ZNF366: variants seen among roughly 807,000 people sequenced by gnomAD.
ZNF366 encodes zinc finger protein 366.
ZNF366 carries 20 observed loss-of-function variants against 47.2 expected under a neutral mutation model. That is an observed-to-expected ratio of 0.42 (90% confidence interval 0.30 to 0.62). The LOEUF is 0.62. Ranked by LOEUF, ZNF366 falls within the 20% of genes least tolerant of loss-of-function variation. ZNF366 has a pLI of 0.16. For missense variants in ZNF366, 987 were observed against 976.3 expected (o/e 1.01, Z -0.15); for synonymous variants, 421 against 395.1 (o/e 1.07, Z -0.78).
Position 72,444,175 on chromosome 5 carries a change from A to C in ZNF366, c.1816T>G (p.Ser606Ala). The stretch of plus-strand genomic sequence containing the variant: ...CTGCCCTGGGCACTCTCCCCGTCTG[A>C]CTGGAACACCGGCACCTTGGCCCGG... ...KRRAKVPVFQ[S>A]DGESAQGSHC... The change falls in exon 5 of 5, where the codon TCA becomes GCA. Residue 606 changes from serine (S) to alanine (A), a missense_variant. Coordinates refer to ENST00000318442, the MANE Select transcript of ZNF366 (RefSeq NM_152625.3). 1.9e-6 allele frequency: 3 copies of C among 1,613,380 alleles called. No individual in the cohort carries two copies. The highest frequency in any genetic ancestry group is 2.5e-6 in the Non-Finnish European group (3 of 1,179,996).
At chr5:72,499,479 C>CTTTTTTT (rs894702691) in intron 1 of ZNF366, among the ~76,000 whole-genome samples, 3 of 112,186 alleles carry the variant, frequency 2.7e-5, no homozygotes, top group African/African-American at 3.6e-5. Flanking sequence ...GGAATCCTGC[C>CTTTTTTT]TTTTTTTTTT....
At chr5:72,472,723 A>C in intron 1 of ZNF366, 1 of 349,578 alleles carries the variant, frequency 2.9e-6, no homozygotes, top group Non-Finnish European at 4.0e-6. Flanking sequence ...CTTCTTCCCC[A>C]GTGCTGAGAG....
intron 3 of ZNF366, among the ~76,000 whole-genome samples, chr5:72,448,514 T>C (rs188575820): frequency 2.6e-5 from 4 of 152,268 alleles, no homozygotes; most frequent in Admixed American, 1.3e-4. Context: ...GCAGGAGGAA[T>C]GCAAACAGTG....
intron 1 of ZNF366, among the ~76,000 whole-genome samples, chr5:72,501,164 C>T (rs777649598): frequency 6.6e-6 from 1 of 152,126 alleles, no homozygotes; most frequent in Non-Finnish European, 1.5e-5. Flanking sequence ...AGTAATGACT[C>T]CTCCATAATT....
intron 1 of ZNF366, among the ~76,000 whole-genome samples, chr5:72,470,629 A>G (rs150083049): frequency 1.3e-5 from 2 of 152,326 alleles, no homozygotes; most frequent in East Asian, 3.9e-4. Context: ...TTCAAATCCA[A>G]TCATTACTTG....
chr5:72,466,443 C>G (rs1396914673), intron 1 of ZNF366, among the ~76,000 whole-genome samples: 1 of 152,196 alleles, frequency 6.6e-6, no homozygotes, highest in Non-Finnish European at 1.5e-5. Flanking sequence ...CAGAGGTCAC[C>G]TTCCTAGGGA....
chr5:72,487,209 T>A (rs930954337), intron 1 of ZNF366, among the ~76,000 whole-genome samples: 1 of 152,252 alleles, frequency 6.6e-6, no homozygotes, highest in Non-Finnish European at 1.5e-5. Context: ...ACTGGCATTT[T>A]ATTCAATAAT....
intron 3 of ZNF366, among the ~76,000 whole-genome samples, chr5:72,455,617 C>T (rs976729483): frequency 6.6e-6 from 1 of 152,172 alleles, no homozygotes; most frequent in Non-Finnish European, 1.5e-5. Context: ...TGGGGACAGC[C>T]TCGGGGAGCC....
chr5:72,443,555 C>T lies in ZNF366; in HGVS notation c.*201G>A, dbSNP rs1201431448. 3.4e-6 allele frequency: 2 copies of T among 587,358 alleles called. No individual in the cohort carries two copies. Among genetic ancestry groups the T allele is most frequent in the African/African-American group, 1.9e-5 (1 of 53,718 alleles). The allele number at this position is 587,358 out of a possible 1,614,324, so 36.4% of individuals were successfully genotyped here. On this transcript the variant is annotated 3_prime_UTR_variant, in exon 5 of 5. Coordinates refer to ENST00000318442, the MANE Select transcript of ZNF366 (RefSeq NM_152625.3). ...GCATAAAACGCCACTGATGAAGACC[C>T]TGCACATGTGTGAAGGGTATCAAGG...
intron 2 of ZNF366, among the ~76,000 whole-genome samples, chr5:72,459,497 C>A (rs1412682482): frequency 6.6e-6 from 1 of 152,128 alleles, no homozygotes; most frequent in Non-Finnish European, 1.5e-5. Context: ...CCTGTATTTC[C>A]CCTTGAAGAC....
At chr5:72,491,589 A>G (rs776167977) in intron 1 of ZNF366, among the ~76,000 whole-genome samples, 4 of 152,080 alleles carry the variant, frequency 2.6e-5, no homozygotes, top group African/African-American at 4.8e-5. Context: ...AACACTAATA[A>G]CCCAACTTGC....
rs113742602 is a variant in ZNF366, at chr5:72,495,186, T to C, written c.-15+12065A>G. 5.0e-3 allele frequency among the ~76,000 whole-genome samples: 761 copies of C among 152,284 alleles called. 4 individuals are homozygous for C. Among genetic ancestry groups the C allele is most frequent in the African/African-American group, 0.018 (745 of 41,562 alleles). ...TCACAGTGGTAAAGAATATACAACC[T>C]GTTAACTTACACGCCTTTCTTTTCC... On this transcript the variant is annotated intron_variant, in intron 1 of 4. Transcript: ENST00000318442.
At chr5:72,471,561 A>G (rs1275539245) in intron 1 of ZNF366, among the ~76,000 whole-genome samples, 2 of 152,064 alleles carry the variant, frequency 1.3e-5, no homozygotes, top group Non-Finnish European at 2.9e-5. Context: ...TGAGTTACCA[A>G]TTTATGGAGG....
chr5:72,498,297 T>C (rs1449067703), intron 1 of ZNF366, among the ~76,000 whole-genome samples: 2 of 152,224 alleles, frequency 1.3e-5, no homozygotes, highest in Non-Finnish European at 2.9e-5. Context: ...TTTTCCCAAA[T>C]AGCTACCCAG....
intron 1 of ZNF366, among the ~76,000 whole-genome samples, chr5:72,505,581 T>C (rs1241371354): frequency 1.3e-5 from 2 of 152,224 alleles, no homozygotes; most frequent in Non-Finnish European, 2.9e-5. Context: ...TCCTATTGTG[T>C]TGCATCTGAT....
chr5:72,446,577 T>C (rs1742962649), intron 4 of ZNF366, among the ~76,000 whole-genome samples: 1 of 152,316 alleles, frequency 6.6e-6, no homozygotes, highest in South Asian at 2.1e-4. Flanking sequence ...AACTTTTCAT[T>C]AGTTCAGTGA....
intron 3 of ZNF366, among the ~76,000 whole-genome samples, chr5:72,456,031 A>G (rs534693126): frequency 6.6e-6 from 1 of 152,302 alleles, no homozygotes; most frequent in African/African-American, 2.4e-5. Flanking sequence ...ATTGCCTTGT[A>G]AGGAGAAGAA....
chr5:72,500,305 AT>A (rs1225538525), intron 1 of ZNF366, among the ~76,000 whole-genome samples: 1 of 151,986 alleles, frequency 6.6e-6, no homozygotes, highest in African/African-American at 2.4e-5. Flanking sequence ...AAGCTAAACT[AT>A]TTTTTAGGGT....
Position 72,444,145 on chromosome 5 carries a change from A to C in ZNF366, c.1846T>G (p.Cys616Gly). ...SDGESAQGSHCHEEEEEDNCY... is the reference protein window; with the variant it reads ...SDGESAQGSHGHEEEEEDNCY... ...TTATCCTCCTCTTCCTCCTCGTGGC[A>C]GTGGCTGCCCTGGGCACTCTCCCCG... is the stretch of plus-strand genomic sequence containing the variant. The change falls in exon 5 of 5, where the codon TGC becomes GGC. Residue 616 changes from cysteine to glycine, a missense_variant. This residue lies in a region of ZNF366 where 285 missense variants were observed against 234.8 expected (regional missense o/e 1.21). Transcript: ENST00000318442. The C allele has an allele frequency of 6.2e-7, 1 of 1,613,722 alleles. No individual in the cohort carries two copies. The highest frequency in any genetic ancestry group is 8.5e-7 in the Non-Finnish European group (1 of 1,180,036).
Sources: gnomAD v4.1 joint callset for allele counts (sites outside exome capture counted in the v4.1 genomes callset) on GRCh38, gnomAD v4.1.1 for gene constraint, gnomAD v4.1.1 regional missense constraint, MANE v1.5 for transcripts, NCBI Gene and HGNC (gene_info 2026-07-23, HGNC 2026-07-21) for gene names.